FBN2: variants seen among roughly 807,000 people sequenced by gnomAD.
FBN2 encodes the protein fibrillin 2.
A neutral mutation model predicts 355.6 loss-of-function variants in FBN2; 105 were observed. That is an observed-to-expected ratio of 0.30 (90% CI 0.25 to 0.35). The LOEUF (loss-of-function observed/expected upper bound fraction) is 0.35. FBN2 is among the 10% of genes least tolerant of loss of function. FBN2 has a pLI of 1.00. For missense variants in FBN2, 3,280 were observed against 3,758.7 expected (o/e 0.87, Z 3.33); for synonymous variants, 1,350 against 1,301.2 (o/e 1.04, Z -0.81).
intron 4 of FBN2, among the ~76,000 whole-genome samples, chr5:128,522,336 G>A (rs531784508): frequency 8.1e-4 from 123 of 152,212 alleles, no homozygotes; most frequent in Non-Finnish European, 5.6e-4. Context: ...CAAGTACTTC[G>A]CAAGGCAGAA....
chr5:128,526,028 C>G (rs1397066353), intron 4 of FBN2, among the ~76,000 whole-genome samples: 1 of 151,986 alleles, frequency 6.6e-6, no homozygotes, highest in African/African-American at 2.4e-5. Flanking sequence ...AAAAAGTTGA[C>G]CTACCCCTGA....
chr5:128,281,787 G>A lies in FBN2; in HGVS notation c.7013-1470C>T, dbSNP rs567416933. ...TGCAAGCTCTGCCTCCTGGGTTCAC[G>A]CCATTCTCCTGCCTCAGCCTCCTGA... On this transcript the variant is annotated intron_variant, in intron 55 of 64. Coordinates refer to ENST00000262464, the MANE Select transcript of FBN2 (RefSeq NM_001999.4). Among the ~76,000 whole-genome samples, 11 of 152,206 alleles carry A rather than the reference G, an allele frequency of 7.2e-5. No homozygotes were observed. In the South Asian group the frequency reaches 1.9e-3, roughly 26 times the overall value.
intron 34 of FBN2, among the ~76,000 whole-genome samples, chr5:128,321,119 G>C (rs1428147789): frequency 6.6e-6 from 1 of 152,112 alleles, no homozygotes; most frequent in Non-Finnish European, 1.5e-5. Flanking sequence ...TCTCCAAGAA[G>C]GGTGGGACTT....
At chr5:128,518,536 C>T (rs535363211) in intron 5 of FBN2, among the ~76,000 whole-genome samples, 147 of 152,182 alleles carry the variant, frequency 9.7e-4, no homozygotes, top group African/African-American at 3.4e-3. Context: ...CCTGGTAAGT[C>T]TACATCAAAC....
intron 36 of FBN2, among the ~76,000 whole-genome samples, chr5:128,313,981 T>C (rs2126849330): frequency 6.6e-6 from 1 of 151,968 alleles, no homozygotes; most frequent in East Asian, 1.9e-4. Flanking sequence ...CTTTACCTAG[T>C]CTAATGTAAT....
intron 7 of FBN2, among the ~76,000 whole-genome samples, chr5:128,424,361 G>A (rs1236622757): frequency 6.6e-6 from 1 of 152,122 alleles, no homozygotes; most frequent in Non-Finnish European, 1.5e-5. Flanking sequence ...AAAGAAAACA[G>A]AGAATGATTA....
intron 6 of FBN2, among the ~76,000 whole-genome samples, chr5:128,461,843 G>T (rs1363427839): frequency 6.6e-6 from 1 of 150,414 alleles, no homozygotes; most frequent in African/African-American, 2.5e-5. Flanking sequence ...ACACACCAGG[G>T]CCTGTTGGGG....
At chr5:128,369,055 A>G in intron 16 of FBN2, 127 bp downstream of exon 16, 1 of 959,216 alleles carries the variant, frequency 1.0e-6, no homozygotes, top group South Asian at 1.4e-5. Flanking sequence ...TCAATACAGG[A>G]TTGGATTTCT....
chr5:128,427,415 C>T lies in FBN2; in HGVS notation c.953-18616G>A, dbSNP rs1353459130. On this transcript the variant is annotated intron_variant, in intron 7 of 64. Transcript: ENST00000262464. ...TATCCCTGAGTTGTTTTTCAGAAAC[C>T]CTGACCCCCACCAAAAGGATCTGCT... Among the ~76,000 whole-genome samples, 5 of 152,040 alleles carry T rather than the reference C, an allele frequency of 3.3e-5. No homozygotes were observed. In the East Asian group the frequency reaches 9.7e-4, roughly 29 times the overall value.
intron 7 of FBN2, among the ~76,000 whole-genome samples, chr5:128,409,605 CT>C (rs1277946219): frequency 6.6e-6 from 1 of 152,064 alleles, no homozygotes; most frequent in Non-Finnish European, 1.5e-5. Context: ...TAACTGGGAG[CT>C]AATTGCTAAT....
intron 36 of FBN2, among the ~76,000 whole-genome samples, chr5:128,313,652 G>T (rs1023939653): frequency 4.6e-5 from 7 of 150,934 alleles, no homozygotes; most frequent in African/African-American, 1.7e-4. Flanking sequence ...ATCTGGAATC[G>T]ACCATCCTGG....
At chr5:128,335,764 C>T (rs1750819414) in intron 28 of FBN2, among the ~76,000 whole-genome samples, 187 bp from the exon 29 acceptor site, 1 of 152,164 alleles carries the variant, frequency 6.6e-6, no homozygotes, top group South Asian at 2.1e-4. Context: ...GTGCAGTACC[C>T]TAAGATTAAC....
chr5:128,327,179 G>A (rs368088040), intron 34 of FBN2, among the ~76,000 whole-genome samples: 3 of 152,344 alleles, frequency 2.0e-5, no homozygotes, highest in Admixed American at 2.0e-4. Context: ...TATATAAAAT[G>A]GATTAGATTC....
intron 5 of FBN2, among the ~76,000 whole-genome samples, chr5:128,502,205 T>C (rs1185354948): frequency 3.4e-5 from 5 of 146,488 alleles, no homozygotes; most frequent in African/African-American, 1.3e-4. Flanking sequence ...AAAGAAACAA[T>C]AGAACGTTTC....
intron 48 of FBN2, among the ~76,000 whole-genome samples, chr5:128,292,877 C>T (rs1749366132): frequency 1.3e-5 from 2 of 152,200 alleles, no homozygotes; most frequent in South Asian, 4.1e-4. Flanking sequence ...GATCCCTAAC[C>T]TCCTGCGGTG....
rs377133710 is a variant in FBN2, at chr5:128,303,037, G to A, written c.5853C>T (p.Thr1951=). ...AGCACAGACAGTTATAGGATCCAAC[G>A]GTGTTTTTACAAGTTCCATTTCCAC... ...HPCGNGTCKN[T]VGSYNCLCYP... The change falls in exon 46 of 65, where the codon ACC becomes ACT. Residue 1951 remains threonine, a synonymous_variant. Transcript: ENST00000262464. 1.7e-5 allele frequency: 28 copies of A among 1,612,696 alleles called. No individual in the cohort carries two copies. Among genetic ancestry groups the A allele is most frequent in the African/African-American group, 6.7e-5 (5 of 74,848 alleles).
chr5:128,489,797 TAAAGAA>T (rs960514542), intron 5 of FBN2, among the ~76,000 whole-genome samples: 26 of 152,038 alleles, frequency 1.7e-4, no homozygotes, highest in Non-Finnish European at 3.5e-4. Flanking sequence ...CACAGCAACA[TAAAGAA>T]AAAGGATGTG....
chr5:128,345,725 T>C, intron 23 of FBN2, 141 bp from the exon 24 acceptor site: 1 of 720,354 alleles, frequency 1.4e-6, no homozygotes, highest in Non-Finnish European at 2.5e-6. Flanking sequence ...CCTGACCTCC[T>C]GGAATGGACT....
intron 9 of FBN2, among the ~76,000 whole-genome samples, chr5:128,393,657 C>T (rs1025123167): frequency 6.6e-6 from 1 of 152,130 alleles, no homozygotes; most frequent in Non-Finnish European, 1.5e-5. Flanking sequence ...CATAAAATTC[C>T]AGACATAATT....
Sources: gnomAD v4.1 joint callset for allele counts (sites outside exome capture counted in the v4.1 genomes callset) on GRCh38, gnomAD v4.1.1 for gene constraint, MANE v1.5 for transcripts, NCBI Gene and HGNC (gene_info 2026-07-23, HGNC 2026-07-21) for gene names.